PARP11: variants seen among roughly 807,000 people sequenced by gnomAD.
PARP11 encodes protein mono-ADP-ribosyltransferase PARP11.
PARP11 carries 31 observed loss-of-function variants against 42.9 expected under a neutral mutation model. That is an observed-to-expected ratio of 0.72 (90% CI 0.54 to 0.98). PARP11 has a LOEUF of 0.98. Ranked by LOEUF, PARP11 falls within the 50% of genes least tolerant of loss-of-function variation. PARP11 has a pLI of 0.00. For missense variants in PARP11, 365 were observed against 413.1 expected, an observed-to-expected ratio of 0.88 and a Z score of 1.01; for synonymous variants, 137 against 127.3, an observed-to-expected ratio of 1.08 and a Z score of -0.51.
chr12:3,836,772 G>A (rs1947773348), intron 1 of PARP11, among the ~76,000 whole-genome samples: 1 of 152,152 alleles, frequency 6.6e-6, no homozygotes, highest in Non-Finnish European at 1.5e-5. Flanking sequence ...AGTTCCCAGG[G>A]ACACAGAGGA....
chr12:3,812,724 A>G (rs1309170513), intron 7 of PARP11, among the ~76,000 whole-genome samples: 1 of 152,240 alleles, frequency 6.6e-6, no homozygotes, highest in African/African-American at 2.4e-5. Context: ...TGTTTTTAAA[A>G]TAAATCTTAC....
intron 4 of PARP11, among the ~76,000 whole-genome samples, chr12:3,823,788 C>T (rs373515221): frequency 2.6e-5 from 4 of 151,770 alleles, no homozygotes; most frequent in South Asian, 2.1e-4. Context: ...TGGTGGCGTG[C>T]GGCTGTAATC....
In PARP11 at chr12:3,810,715, G is replaced by GAAAGAGAAAGAGA. The variant is rs11283159; in HGVS notation, c.*1407_*1408insTCTCTTTCTCTTT. 6.4e-4 allele frequency: 92 copies of GAAAGAGAAAGAGA among 142,952 alleles called. No individual in the cohort carries two copies. Among genetic ancestry groups the GAAAGAGAAAGAGA allele is most frequent in the African/African-American group, 2.4e-3 (90 of 37,406 alleles). The allele number at this position is 142,952 out of a possible 1,614,324, so 8.9% of individuals were successfully genotyped here. ...AGAAGGAAGGAAGAGAGAGAGAAGA[G>GAAAGAGAAAGAGA]AAGAGAAAGAGAAAGAGAAAGAGGA... is the stretch of plus-strand genomic sequence containing the variant. On this transcript the variant is annotated 3_prime_UTR_variant, in exon 8 of 8. Coordinates refer to ENST00000228820, the MANE Select transcript of PARP11 (RefSeq NM_020367.6).
chr12:3,827,723 C>T (rs1947556347), intron 3 of PARP11, among the ~76,000 whole-genome samples: 1 of 152,064 alleles, frequency 6.6e-6, no homozygotes, highest in Admixed American at 6.5e-5. Context: ...TATTTGGTTC[C>T]ATCAATCCCT....
At chr12:3,823,028 C>T (rs1471971151) in intron 4 of PARP11, among the ~76,000 whole-genome samples, 3 of 152,040 alleles carry the variant, frequency 2.0e-5, no homozygotes, top group Non-Finnish European at 4.4e-5. Flanking sequence ...TCAAGCCACC[C>T]GATGTGAATA....
At chr12:3,837,315 G>A (rs937978347) in intron 1 of PARP11, among the ~76,000 whole-genome samples, 2 of 152,116 alleles carry the variant, frequency 1.3e-5, no homozygotes, top group African/African-American at 4.8e-5. Context: ...CTTAAAAGGA[G>A]GCAGGCCTAG....
Position 3,829,907 on chromosome 12 carries a change from T to C in PARP11, c.130A>G (p.Lys44Glu). The C allele has an allele frequency of 6.2e-7, 1 of 1,614,036 alleles. No individual in the cohort carries two copies. ...WGWFYLAECG[K>E]WHMFQPDTNS... ...GGAGGTACCTGAAACATGTGCCACT[T>C]CCCACATTCTGCCAAGTAAAACCAG... Residue 44 changes from lysine (K) to glutamate (E), a missense_variant, in exon 2 of 8, where the codon AAG becomes GAG. Physicochemically the swap from Lys to Glu is moderately conservative, Grantham distance 56 (BLOSUM62 1). Transcript: ENST00000228820.
At chr12:3,828,788 A>G in intron 3 of PARP11, 122 bp downstream of exon 3, 1 of 788,828 alleles carries the variant, frequency 1.3e-6, no homozygotes, top group Non-Finnish European at 2.0e-6. Flanking sequence ...GTATTTTTGT[A>G]TATAACAAAA....
chr12:3,844,349 G>A (rs181985960), intron 1 of PARP11, among the ~76,000 whole-genome samples: 6 of 152,326 alleles, frequency 3.9e-5, no homozygotes, highest in Admixed American at 2.6e-4. Context: ...TGAAGGTACC[G>A]CTTAAGCCAT....
At chr12:3,839,870 C>T (rs1947850539) in intron 1 of PARP11, 1 of 1,074,240 alleles carries the variant, frequency 9.3e-7, no homozygotes, top group South Asian at 1.2e-5. Flanking sequence ...GAACTAGACA[C>T]GTTGGAAGTA....
At chr12:3,845,871 G>A (rs1947984439) in intron 1 of PARP11, among the ~76,000 whole-genome samples, 1 of 152,196 alleles carries the variant, frequency 6.6e-6, no homozygotes. Context: ...AGGAGTGGGT[G>A]CATGTCTTAA....
intron 4 of PARP11, among the ~76,000 whole-genome samples, chr12:3,825,727 T>C (rs1306421492): frequency 5.3e-5 from 8 of 152,178 alleles, no homozygotes; most frequent in Non-Finnish European, 8.8e-5. Context: ...TTTTAATTAA[T>C]TAGTTTATTT....
intron 1 of PARP11, among the ~76,000 whole-genome samples, chr12:3,836,804 A>G (rs578055886): frequency 2.0e-5 from 3 of 152,234 alleles, no homozygotes; most frequent in African/African-American, 4.8e-5. Flanking sequence ...CTGAGCAGAC[A>G]GTAACGGAAT....
At position 3,840,320 on chromosome 12, in the gene PARP11, C is replaced by G. The variant is rs1947858641; in HGVS notation, c.19-10302G>C. The G allele has an allele frequency of 6.2e-7, 1 of 1,614,016 alleles. No individual in the cohort carries two copies. The highest frequency in any genetic ancestry group is 1.1e-5 in the South Asian group (1 of 91,090). On this transcript the variant is annotated intron_variant, in intron 1 of 7. Transcript: ENST00000228820. This position sits in a 1 kb window ranked among gnomAD's most constrained non-coding sequence, Gnocchi z 4.4. ...CCCCCAGAAAGCTGGAACACAGTGT[C>G]AGGGAAGAAGATGAAAAAACCTTCC...
intron 1 of PARP11, chr12:3,832,221 ACAT>A (rs1334512449): frequency 2.6e-6 from 1 of 378,224 alleles, no homozygotes; most frequent in African/African-American, 2.2e-5. Context: ...ATTGTATTGA[ACAT>A]TCCTAAAGCA....
intron 1 of PARP11, chr12:3,842,179 C>G (rs1947903097): frequency 1.2e-6 from 2 of 1,611,118 alleles, no homozygotes; most frequent in South Asian, 2.2e-5. Flanking sequence ...AAGACTGCTG[C>G]TGATGTGGTC....
rs965163175 is a variant in PARP11 at position 3,819,062 on chromosome 12, T to G, written c.548+2811A>C. Among the ~76,000 whole-genome samples the G allele has an allele frequency of 2.0e-5, 3 of 152,224 alleles. No individual in the cohort carries two copies. In the South Asian group the frequency reaches 6.2e-4, roughly 31 times the overall value. On this transcript the variant is annotated intron_variant, in intron 6 of 7. Transcript: ENST00000228820. ...CACTCTTCTCAACTCCTGACCCATA[T>G]GTCAACTGCTGTATATCAACTAATA...
At chr12:3,818,396 TC>T (rs1947332890) in intron 6 of PARP11, among the ~76,000 whole-genome samples, 1 of 152,168 alleles carries the variant, frequency 6.6e-6, no homozygotes, top group African/African-American at 2.4e-5. Flanking sequence ...CTTCTCTATC[TC>T]CTTTCTGACA....
At chr12:3,872,313 T>C (rs889315413) in intron 1 of PARP11, among the ~76,000 whole-genome samples, 1 of 152,192 alleles carries the variant, frequency 6.6e-6, no homozygotes, top group African/African-American at 2.4e-5. Context: ...CTGAAGTGCC[T>C]GGTGGTGTAA....
Sources: gnomAD v4.1 joint callset for allele counts (sites outside exome capture counted in the v4.1 genomes callset) on GRCh38, gnomAD v4.1.1 for gene constraint, Gnocchi (gnomAD v3.1) non-coding constraint, MANE v1.5 for transcripts, NCBI Gene and HGNC (gene_info 2026-07-23, HGNC 2026-07-21) for gene names.